The following PACRG variants were observed in gnomAD, a reference collection of about 807,000 sequenced individuals.
PACRG encodes parkin coregulated gene protein.
PACRG carries 29 observed loss-of-function variants against 29.7 expected under a neutral mutation model. That is an observed-to-expected ratio of 0.98 (90% CI 0.73 to 1.33). PACRG has a LOEUF of 1.33. PACRG is among the 40% of genes most tolerant of loss of function. The probability of loss-of-function intolerance (pLI) is 0.00; values close to 1 mark genes in which losing one functional copy is unlikely to be tolerated. For synonymous variants in PACRG, 116 were observed against 118.7 expected (o/e 0.98, Z 0.15); for missense variants, 279 against 316.2 (o/e 0.88, Z 0.89).
chr6:162,952,893 T>A (rs146986513), intron 2 of PACRG, among the ~76,000 whole-genome samples: 1 of 152,194 alleles, frequency 6.6e-6, no homozygotes, highest in Non-Finnish European at 1.5e-5. Flanking sequence ...TGTGATATGG[T>A]TTTATATCTA....
chr6:163,124,897 C>T (rs781484311), intron 4 of PACRG, among the ~76,000 whole-genome samples: 13 of 152,170 alleles, frequency 8.5e-5, no homozygotes, highest in Non-Finnish European at 1.9e-4. Context: ...ACTTTTAAAA[C>T]GTCTTTCACA....
At chr6:162,757,565 G>A (rs567749512) in intron 1 of PACRG, among the ~76,000 whole-genome samples, 208 of 152,052 alleles carry the variant, frequency 1.4e-3, no homozygotes, top group Admixed American at 2.7e-3. Flanking sequence ...AAAATTAGCC[G>A]GGCGTGTTGG....
Position 162,845,643 on chromosome 6 carries a change from C to T in PACRG, c.291+31362C>T, listed in dbSNP as rs530189782. 7.2e-5 allele frequency among the ~76,000 whole-genome samples: 11 copies of T among 152,300 alleles called. No homozygotes were observed. The South Asian group carries it at 1.2e-3, about 17-fold the overall frequency. ...GTCACCTTTAATATTTCTAACACCA[C>T]ATCACTGCAGACGTCATGCCAGTTC... On this transcript the variant is annotated intron_variant, in intron 2 of 4. Coordinates refer to ENST00000366888, the MANE Select transcript of PACRG (RefSeq NM_001080379.2).
chr6:163,137,218 C>A (rs1039985439), intron 4 of PACRG, among the ~76,000 whole-genome samples: 1 of 152,068 alleles, frequency 6.6e-6, no homozygotes, highest in Non-Finnish European at 1.5e-5. Flanking sequence ...ATGCCTCATT[C>A]GTAAGTCTCC....
intron 2 of PACRG, among the ~76,000 whole-genome samples, chr6:163,040,274 G>A (rs1468978193): frequency 6.6e-6 from 1 of 152,234 alleles, no homozygotes; most frequent in African/African-American, 2.4e-5. Flanking sequence ...GTTGAGGTTT[G>A]GGAGCCTCTG....
At chr6:162,783,176 G>A (rs1784218602) in intron 1 of PACRG, among the ~76,000 whole-genome samples, 1 of 151,850 alleles carries the variant, frequency 6.6e-6, no homozygotes, top group South Asian at 2.1e-4. Flanking sequence ...GAAGGAATGT[G>A]TATTTTGCTT....
intron 4 of PACRG, among the ~76,000 whole-genome samples, chr6:163,293,188 A>G (rs757707017): frequency 1.3e-5 from 2 of 152,230 alleles, no homozygotes; most frequent in Non-Finnish European, 2.9e-5. Context: ...TAGGTCATCA[A>G]CAACAATCAA....
intron 2 of PACRG, among the ~76,000 whole-genome samples, chr6:162,872,140 T>A (rs1286791405): frequency 6.6e-6 from 1 of 152,200 alleles, no homozygotes; most frequent in Non-Finnish European, 1.5e-5. Context: ...AGTTCAGAGC[T>A]TGCCAAAACC....
intron 2 of PACRG, among the ~76,000 whole-genome samples, chr6:163,048,153 T>C (rs2128244385): frequency 6.6e-6 from 1 of 152,274 alleles, no homozygotes; most frequent in South Asian, 2.1e-4. Flanking sequence ...TTCTTTTTTT[T>C]CCCTTCCAAT....
At chr6:163,190,462 T>C (rs1284884259) in intron 4 of PACRG, 2 of 152,386 alleles carry the variant, frequency 1.3e-5, no homozygotes, top group East Asian at 3.9e-4. Context: ...GTGACCCCGA[T>C]GCACGGAGGA....
At chr6:162,901,078 A>G (rs1477737166) in intron 2 of PACRG, among the ~76,000 whole-genome samples, 1 of 152,212 alleles carries the variant, frequency 6.6e-6, no homozygotes, top group Non-Finnish European at 1.5e-5. Context: ...GATACATAAT[A>G]CAAACAATTT....
chr6:163,056,846 C>T lies in PACRG; in HGVS notation c.292-5304C>T, dbSNP rs549765026. 7.9e-5 allele frequency among the ~76,000 whole-genome samples: 12 copies of T among 152,242 alleles called. No individual in the cohort carries two copies. In the South Asian group the frequency reaches 8.3e-4, roughly 11 times the overall value. On this transcript the variant is annotated intron_variant, in intron 2 of 4. Coordinates refer to ENST00000366888, the MANE Select transcript of PACRG (RefSeq NM_001080379.2). ...CTAATGCAGCTCTTACAGTCTCTCA[C>T]GCCCTCCTCTTCCATGACCATCCCT...
intron 4 of PACRG, among the ~76,000 whole-genome samples, chr6:163,113,883 C>T (rs577052707): frequency 6.6e-6 from 1 of 152,078 alleles, no homozygotes; most frequent in Non-Finnish European, 1.5e-5. Flanking sequence ...GTGTGTAACT[C>T]CACATTTTGT....
At chr6:162,748,692 G>A (rs1220806701) in intron 1 of PACRG, among the ~76,000 whole-genome samples, 1 of 152,000 alleles carries the variant, frequency 6.6e-6, no homozygotes, top group Non-Finnish European at 1.5e-5. Context: ...ATCAATCCCT[G>A]ACCGCAGCCT....
intron 2 of PACRG, among the ~76,000 whole-genome samples, chr6:162,874,237 C>A (rs1055264868): frequency 6.6e-6 from 1 of 151,648 alleles, no homozygotes; most frequent in Admixed American, 6.6e-5. Context: ...ACTTCCTCCC[C>A]TCCAAATTCT....
chr6:162,879,355 A>T (rs932982437), intron 2 of PACRG, among the ~76,000 whole-genome samples: 1 of 152,210 alleles, frequency 6.6e-6, no homozygotes, highest in South Asian at 2.1e-4. Flanking sequence ...CAAGAAATTC[A>T]GTTTTAAAAG....
rs549848092 is a variant in PACRG at position 163,256,868 on chromosome 6, G to A, written c.614-57959G>A. On this transcript the variant is annotated intron_variant, in intron 4 of 4. Coordinates refer to ENST00000366888, the MANE Select transcript of PACRG (RefSeq NM_001080379.2). Reference sequence around the variant, plus strand: ...TCACAGTTGCAGAGGCCAAAAGTCCGAAATCAAGGTGTTGGCCATGTCGTT... The same window carrying A: ...TCACAGTTGCAGAGGCCAAAAGTCCAAAATCAAGGTGTTGGCCATGTCGTT... 1.4e-4 allele frequency among the ~76,000 whole-genome samples: 22 copies of A among 152,290 alleles called. No individual in the cohort carries two copies. In the East Asian group the frequency reaches 2.7e-3, roughly 19 times the overall value.
At chr6:162,831,057 A>G (rs1788728491) in intron 2 of PACRG, among the ~76,000 whole-genome samples, 1 of 152,164 alleles carries the variant, frequency 6.6e-6, no homozygotes, top group African/African-American at 2.4e-5. Context: ...AGAATCCCAT[A>G]GATTATTGTT....
intron 4 of PACRG, among the ~76,000 whole-genome samples, chr6:163,243,155 C>CGTAA (rs1782566129): frequency 6.6e-6 from 1 of 152,232 alleles, no homozygotes; most frequent in Admixed American, 6.5e-5. Context: ...TGATGTATCA[C>CGTAA]TGGCTGGTGC....
Sources: gnomAD v4.1 joint callset for allele counts (sites outside exome capture counted in the v4.1 genomes callset) on GRCh38, gnomAD v4.1.1 for gene constraint, MANE v1.5 for transcripts, NCBI Gene and HGNC (gene_info 2026-07-23, HGNC 2026-07-21) for gene names.